GAK: variants seen among roughly 807,000 people sequenced by gnomAD.
GAK encodes the protein cyclin-G-associated kinase.
In GAK, 79 loss-of-function variants were observed where a neutral mutation model predicts 143.9. The ratio of observed to expected loss-of-function variants is 0.55; its 90% CI spans 0.46 to 0.66. The LOEUF (loss-of-function observed/expected upper bound fraction) is 0.66. GAK is among the 30% of genes least tolerant of loss of function. GAK has a pLI of 0.00. For synonymous variants in GAK, 881 were observed against 765.5 expected (o/e 1.15, Z -2.49); for missense variants, 1,693 against 1,779.7 (o/e 0.95, Z 0.88).
At chr4:900,476 T>C (rs1018161925) in intron 5 of GAK, among the ~76,000 whole-genome samples, 1 of 152,060 alleles carries the variant, frequency 6.6e-6, no homozygotes, top group Non-Finnish European at 1.5e-5. Flanking sequence ...AATTCAACCC[T>C]TCTGTTTCTG....
chr4:908,240 C>A (rs80173898), intron 4 of GAK, among the ~76,000 whole-genome samples: 29 of 152,312 alleles, frequency 1.9e-4, no homozygotes, highest in African/African-American at 6.3e-4. Flanking sequence ...GCAGAGGGTG[C>A]GGCAAGGCTC....
In GAK at chr4:893,803, G is replaced by A. The variant is rs894201029; in HGVS notation, c.877+71C>T. ...AGGTGAGCAGTGCCCCAAGGGGAGC[G>A]GGGTCTCCAGAGCCACGCGGGGTCT... On this transcript the variant is annotated intron_variant, in intron 8 of 27. Transcript: ENST00000314167. The A allele has an allele frequency of 5.9e-5, 88 of 1,484,562 alleles. 1 individual carries two copies. The highest frequency in any genetic ancestry group is 4.1e-4 in the South Asian group (30 of 72,904). 92.0% of individuals were successfully genotyped at this position (1,484,562 alleles called of 1,614,324 possible).
In GAK at chr4:870,852, C is replaced by A. The variant is rs1052972427; in HGVS notation, c.2107G>T (p.Val703Leu). ...IQEKYPDLFQ[V>L]NLEVEVEPRD... ...GGCTCCACCTCCACTTCCAGGTTCA[C>A]TTGAAATAAATCCGGGTATTTTTCT... The change falls in exon 19 of 28, where the codon GTG (valine) becomes TTG (leucine). Residue 703 changes from valine to leucine, a missense_variant. This residue lies in a region of GAK where 871 missense variants were observed against 991.0 expected (regional missense o/e 0.88). Coordinates refer to ENST00000314167, the MANE Select transcript of GAK (RefSeq NM_005255.4). 6.2e-7 allele frequency: 1 copy of A among 1,613,926 alleles called. No individual in the cohort carries two copies. Among genetic ancestry groups the A allele is most frequent in the Admixed American group, 1.7e-5 (1 of 59,968 alleles).
chr4:871,657 CA>C (rs932941727), intron 18 of GAK, among the ~76,000 whole-genome samples: 1 of 148,828 alleles, frequency 6.7e-6, no homozygotes. Flanking sequence ...GGGAGCAGGG[CA>C]GGGGTCAGCA....
chr4:869,564 A>ACAG (rs2152759043), intron 19 of GAK: 1 of 85,486 alleles, frequency 1.2e-5, no homozygotes, highest in Non-Finnish European at 2.4e-5. Context: ...ATGAATGCAC[A>ACAG]CACACAGATG....
chr4:877,197 T>C lies in GAK; in HGVS notation c.1867A>G (p.Ile623Val), dbSNP rs777126544. 1.4e-5 allele frequency: 22 copies of C among 1,611,572 alleles called. No individual in the cohort carries two copies. The East Asian group carries it at 4.5e-4, about 33-fold the overall frequency. ...QEYDKMRDFK[I>V]EDGKAVIPLG... ...GGAATCACCGCTTTGCCATCTTCAA[T>C]CTTAAAGTCCCTAAGGACAGAATGA... Residue 623 changes from isoleucine (I) to valine (V), a missense_variant, in exon 17 of 28, where the codon ATT becomes GTT. Physicochemically the swap from Ile to Val is conservative, Grantham distance 29. This residue lies in a region of GAK where 871 missense variants were observed against 991.0 expected (regional missense o/e 0.88). Coordinates refer to ENST00000314167, the MANE Select transcript of GAK (RefSeq NM_005255.4).
chr4:864,374 A>G (rs1194198928), intron 23 of GAK, among the ~76,000 whole-genome samples: 11 of 152,248 alleles, frequency 7.2e-5, no homozygotes, highest in African/African-American at 2.6e-4. Flanking sequence ...AACAAAAACA[A>G]AAACAAAACC....
At chr4:898,342 G>C (rs543055474) in intron 5 of GAK, among the ~76,000 whole-genome samples, 184 bp from the exon 6 acceptor site, 1 of 152,222 alleles carries the variant, frequency 6.6e-6, no homozygotes, top group Non-Finnish European at 1.5e-5. Flanking sequence ...CCAGCAGCTC[G>C]GGGTGCAGGG....
chr4:876,284 C>T (rs1160573071), intron 18 of GAK, among the ~76,000 whole-genome samples: 5 of 152,264 alleles, frequency 3.3e-5, no homozygotes, highest in South Asian at 2.1e-4. Flanking sequence ...ACGCCACGCC[C>T]GGGTGTGAGG....
At chr4:902,302 A>G (rs890706978) in intron 5 of GAK, among the ~76,000 whole-genome samples, 1 of 151,360 alleles carries the variant, frequency 6.6e-6, no homozygotes, top group African/African-American at 2.4e-5. Flanking sequence ...TCTGGGAGTG[A>G]TAAGGCTTTA....
intron 25 of GAK, 70 bp downstream of exon 25, chr4:851,680 T>A: frequency 1.3e-6 from 2 of 1,486,896 alleles, no homozygotes; most frequent in Non-Finnish European, 1.9e-6. Flanking sequence ...GAAAACAACA[T>A]AGGTTCTACC....
At chr4:876,824 C>T (rs1714003883) in intron 17 of GAK, among the ~76,000 whole-genome samples, 1 of 152,198 alleles carries the variant, frequency 6.6e-6, no homozygotes, top group Non-Finnish European at 1.5e-5. Context: ...AGCTGCTTCA[C>T]GGGACTGCCG....
chr4:918,901 C>G (rs1723476404), intron 1 of GAK, among the ~76,000 whole-genome samples: 1 of 129,178 alleles, frequency 7.7e-6, no homozygotes, highest in Admixed American at 7.7e-5. Context: ...GCCCCATGAC[C>G]TTAGAAAGAC....
intron 11 of GAK, among the ~76,000 whole-genome samples, chr4:885,115 C>T (rs964568526): frequency 2.6e-5 from 4 of 151,842 alleles, no homozygotes; most frequent in African/African-American, 7.3e-5. Flanking sequence ...TTTTAAAAGG[C>T]GTCTAAACCC....
intron 11 of GAK, 71 bp from the exon 12 acceptor site, chr4:884,157 A>T: frequency 7.2e-7 from 1 of 1,392,290 alleles, no homozygotes. Flanking sequence ...GGCTTAAGCC[A>T]GAGCCCGAGG....
intron 6 of GAK, among the ~76,000 whole-genome samples, chr4:897,725 T>C (rs975002357): frequency 6.6e-6 from 1 of 152,196 alleles, no homozygotes; most frequent in Admixed American, 6.5e-5. Flanking sequence ...CGCGGGTGGA[T>C]CACAAATGAC....
chr4:907,098 C>T (rs149998973), intron 4 of GAK, among the ~76,000 whole-genome samples: 10 of 152,322 alleles, frequency 6.6e-5, no homozygotes, highest in African/African-American at 2.4e-4. Flanking sequence ...AGCGTGTAGC[C>T]GACTCAATTC....
intron 1 of GAK, among the ~76,000 whole-genome samples, chr4:923,771 G>C (rs1724248461): frequency 6.6e-6 from 1 of 152,168 alleles, no homozygotes. Flanking sequence ...GAGGCAGCCT[G>C]GCCTGGGACA....
intron 9 of GAK, among the ~76,000 whole-genome samples, 174 bp downstream of exon 9, chr4:893,203 G>A (rs1027917450): frequency 5.6e-4 from 85 of 150,954 alleles, no homozygotes; most frequent in African/African-American, 1.9e-3. Context: ...TGGGGCTCAC[G>A]TGTGCCTCCC....
Sources: allele counts gnomAD v4.1 joint callset (sites outside exome capture counted in the v4.1 genomes callset), GRCh38; gene constraint gnomAD v4.1.1; regional missense constraint gnomAD v4.1.1; transcripts MANE v1.5; gene names NCBI Gene and HGNC (gene_info 2026-07-23, HGNC 2026-07-21).